The following SEM1 variants were observed in gnomAD, a reference collection of about 807,000 sequenced individuals.
The protein encoded by SEM1 is SEM1 26S proteasome subunit.
A neutral mutation model predicts 12.7 loss-of-function variants in SEM1; 3 were observed. The observed-to-expected ratio is 0.24, with a 90% CI of 0.11 to 0.61. The LOEUF (loss-of-function observed/expected upper bound fraction) is 0.61, where lower values mean the gene tolerates loss of function less well. Among genes scored for constraint, SEM1 ranks in the 20% least tolerant of loss-of-function variants. The pLI is 0.88. For synonymous variants in SEM1, 30 were observed against 27.8 expected, an observed-to-expected ratio of 1.08 and a Z score of -0.25; for missense variants, 59 against 81.3, an observed-to-expected ratio of 0.73 and a Z score of 1.06.
chr7:96,532,341 C>T (rs1010261674), intron 2 of SEM1, among the ~76,000 whole-genome samples: 3 of 152,048 alleles, frequency 2.0e-5, no homozygotes, highest in African/African-American at 7.2e-5. Context: ...TTCCACCTCA[C>T]AGTCACTGCT....
intron 2 of SEM1, among the ~76,000 whole-genome samples, chr7:96,553,068 T>G (rs1584757724): frequency 1.3e-5 from 2 of 152,302 alleles, no homozygotes; most frequent in Non-Finnish European, 2.9e-5. Flanking sequence ...TAAATTTGTT[T>G]GAGTTCATTG....
At chr7:96,526,805 C>T (rs1473470536) in intron 2 of SEM1, among the ~76,000 whole-genome samples, 1 of 151,882 alleles carries the variant, frequency 6.6e-6, no homozygotes, top group Non-Finnish European at 1.5e-5. Flanking sequence ...GAGGTTAGGA[C>T]AGTTTTTTGT....
chr7:96,484,831 C>G, exon 3 of SEM1: 1 of 1,287,698 alleles, frequency 7.8e-7, no homozygotes, highest in Non-Finnish European at 1.0e-6. Flanking sequence ...TTACCTTGCC[C>G]ACTTCTTTTT....
intron 2 of SEM1, among the ~76,000 whole-genome samples, chr7:96,641,100 AT>A (rs1808576906): frequency 6.6e-6 from 1 of 151,592 alleles, no homozygotes. Context: ...TTTTTTCAAT[AT>A]TTTTAGGTAG....
intron 2 of SEM1, among the ~76,000 whole-genome samples, chr7:96,519,251 T>C (rs1406525164): frequency 1.3e-5 from 2 of 152,160 alleles, no homozygotes; most frequent in African/African-American, 4.8e-5. Context: ...GAAATTTCAT[T>C]GATTCAACAA....
chr7:96,537,250 A>G (rs1804813911), intron 2 of SEM1, among the ~76,000 whole-genome samples: 1 of 151,670 alleles, frequency 6.6e-6, no homozygotes, highest in Admixed American at 6.6e-5. Flanking sequence ...TCTTATCTAT[A>G]TGTTATAATC....
intron 2 of SEM1, among the ~76,000 whole-genome samples, chr7:96,599,001 C>T (rs1408977155): frequency 6.6e-6 from 1 of 151,132 alleles, no homozygotes; most frequent in African/African-American, 2.4e-5. Flanking sequence ...GAAGCTGTGC[C>T]AACAGAAAGG....
chr7:96,679,050 A>G (rs1037109740), intron 2 of SEM1, among the ~76,000 whole-genome samples: 1 of 152,122 alleles, frequency 6.6e-6, no homozygotes, highest in Admixed American at 6.6e-5. Flanking sequence ...CTTCTTCAAT[A>G]TATAAATCAA....
intron 2 of SEM1, among the ~76,000 whole-genome samples, chr7:96,639,487 A>C (rs1808526170): frequency 6.6e-6 from 1 of 152,008 alleles, no homozygotes. Flanking sequence ...TGGAGAAAAG[A>C]TAATCTTTTC....
intron 2 of SEM1, among the ~76,000 whole-genome samples, chr7:96,629,108 T>C (rs554276907): frequency 6.6e-6 from 1 of 152,320 alleles, no homozygotes; most frequent in East Asian, 1.9e-4. Flanking sequence ...GATTATTAAA[T>C]GCCTTGAGGC....
intron 2 of SEM1, among the ~76,000 whole-genome samples, chr7:96,632,883 C>T (rs947709260): frequency 3.3e-5 from 5 of 151,080 alleles, no homozygotes; most frequent in African/African-American, 1.2e-4. Context: ...TTGCTCTGCC[C>T]CTTACCAATC....
chr7:96,489,719 C>T (rs1023219618), intron 1 of SEM1, among the ~76,000 whole-genome samples: 1 of 152,160 alleles, frequency 6.6e-6, no homozygotes, highest in African/African-American at 2.4e-5. Context: ...TGGGAGGGGG[C>T]TGATTGTAGC....
chr7:96,572,131 T>A (rs1365466286), intron 2 of SEM1, among the ~76,000 whole-genome samples: 2 of 152,186 alleles, frequency 1.3e-5, no homozygotes, highest in African/African-American at 4.8e-5. Context: ...GGTGGTGATA[T>A]CCTCTTCATC....
chr7:96,700,106 G>C (rs1790224175), intron 1 of SEM1, among the ~76,000 whole-genome samples: 1 of 152,098 alleles, frequency 6.6e-6, no homozygotes, highest in African/African-American at 2.4e-5. Context: ...ACTTAGTACT[G>C]ATAAATGGCA....
At chr7:96,687,825 C>T (rs1378766618), downstream of SEM1, 1 of 151,906 alleles carries the variant, frequency 6.6e-6, no homozygotes, top group Non-Finnish European at 1.5e-5. Context: ...CTTATCCATT[C>T]AAAACTTTTA....
At chr7:96,669,758 C>T (rs1789265252), downstream of SEM1, among the ~76,000 whole-genome samples, 2 of 152,126 alleles carry the variant, frequency 1.3e-5, no homozygotes, top group African/African-American at 4.8e-5. Flanking sequence ...AATCACATTT[C>T]AAAATGCATG....
At chr7:96,509,991 A>G (rs1271617559) in intron 2 of SEM1, among the ~76,000 whole-genome samples, 1 of 152,144 alleles carries the variant, frequency 6.6e-6, no homozygotes, top group Admixed American at 6.6e-5. Flanking sequence ...TGGTTTCACA[A>G]AAATGTGATA....
At chr7:96,548,389 G>A (rs560640003) in intron 2 of SEM1, among the ~76,000 whole-genome samples, 14 of 152,232 alleles carry the variant, frequency 9.2e-5, no homozygotes, top group Non-Finnish European at 1.8e-4. Flanking sequence ...ATGGTCCCCA[G>A]ACTTGGAGTA....
chr7:96,507,511 A>T (rs1045609182), intron 2 of SEM1, among the ~76,000 whole-genome samples: 1 of 152,018 alleles, frequency 6.6e-6, no homozygotes, highest in African/African-American at 2.4e-5. Context: ...CCTAGGAAAA[A>T]ATTAAGATTT....
Sources: allele counts gnomAD v4.1 joint callset (sites outside exome capture counted in the v4.1 genomes callset), GRCh38; gene constraint gnomAD v4.1.1; transcripts MANE v1.5; gene names NCBI Gene and HGNC (gene_info 2026-07-23, HGNC 2026-07-21).